The following DLG2 variants were observed in gnomAD, a reference collection of about 807,000 sequenced individuals.
The protein encoded by DLG2 is disks large homolog 2.
In DLG2, 45 loss-of-function variants were observed where a neutral mutation model predicts 132.5. That is an observed-to-expected ratio of 0.34 (90% CI 0.27 to 0.44). DLG2 has a LOEUF of 0.44. DLG2 is among the 20% of genes least tolerant of loss of function. The pLI is 1.00. For missense variants in DLG2, 1,045 were observed against 1,196.9 expected (o/e 0.87, Z 1.87); for synonymous variants, 424 against 419.6 (o/e 1.01, Z -0.13).
chr11:84,498,453 C>A (rs900576117), intron 7 of DLG2, among the ~76,000 whole-genome samples: 1 of 152,088 alleles, frequency 6.6e-6, no homozygotes, highest in Non-Finnish European at 1.5e-5. Context: ...CCACCACCAA[C>A]AACAAAATTC....
intron 18 of DLG2, among the ~76,000 whole-genome samples, chr11:83,762,249 G>A (rs1267085497): frequency 6.6e-6 from 1 of 152,202 alleles, no homozygotes; most frequent in South Asian, 2.1e-4. Flanking sequence ...ATCTGTCAGC[G>A]ATTGCTGACT....
At chr11:83,992,951 T>A (rs868178084) in intron 11 of DLG2, among the ~76,000 whole-genome samples, 2 of 152,118 alleles carry the variant, frequency 1.3e-5, no homozygotes, top group Non-Finnish European at 2.9e-5. Context: ...GAAGATATAA[T>A]TGCTTAGAGA....
chr11:83,706,259 TA>T (rs890354624), intron 18 of DLG2, among the ~76,000 whole-genome samples: 4 of 151,926 alleles, frequency 2.6e-5, no homozygotes, highest in African/African-American at 9.7e-5. Flanking sequence ...AATTTTTACT[TA>T]AAAATTTATT....
At chr11:85,070,994 G>A (rs986009364) in intron 6 of DLG2, among the ~76,000 whole-genome samples, 2 of 151,780 alleles carry the variant, frequency 1.3e-5, no homozygotes, top group African/African-American at 4.8e-5. Flanking sequence ...TCAAATCCAA[G>A]CACAACTGAT....
chr11:83,950,002 A>G (rs2084995899), intron 14 of DLG2, among the ~76,000 whole-genome samples: 2 of 152,168 alleles, frequency 1.3e-5, no homozygotes, highest in South Asian at 4.1e-4. Flanking sequence ...CTTATTTTCT[A>G]TATGGACTGT....
chr11:84,065,221 G>A (rs2096653228), intron 10 of DLG2, among the ~76,000 whole-genome samples: 1 of 152,088 alleles, frequency 6.6e-6, no homozygotes, highest in Non-Finnish European at 1.5e-5. Flanking sequence ...TGACAAATGG[G>A]ACCTAATCAA....
intron 16 of DLG2, among the ~76,000 whole-genome samples, chr11:83,848,435 C>T (rs2059059664): frequency 6.6e-6 from 1 of 152,192 alleles, no homozygotes; most frequent in Non-Finnish European, 1.5e-5. Context: ...TATTCAGTTG[C>T]TCCAGAATGA....
chr11:85,047,692 A>G (rs895620709), intron 6 of DLG2, among the ~76,000 whole-genome samples: 11 of 151,986 alleles, frequency 7.2e-5, no homozygotes, highest in Non-Finnish European at 1.5e-4. Flanking sequence ...AAATGAAAAT[A>G]TAAAATTATA....
intron 9 of DLG2, among the ~76,000 whole-genome samples, chr11:84,150,225 C>A (rs1249617444): frequency 6.6e-6 from 1 of 152,164 alleles, no homozygotes; most frequent in Non-Finnish European, 1.5e-5. Flanking sequence ...TGTGTCATCT[C>A]TGATTTCTTT....
At chr11:84,012,514 C>T (rs943794552) in intron 11 of DLG2, among the ~76,000 whole-genome samples, 3 of 152,146 alleles carry the variant, frequency 2.0e-5, no homozygotes, top group African/African-American at 7.2e-5. Context: ...CTACTGAAAT[C>T]TTTGGAATAT....
intron 6 of DLG2, among the ~76,000 whole-genome samples, chr11:85,110,067 C>A (rs1317805782): frequency 6.6e-6 from 1 of 151,944 alleles, no homozygotes; most frequent in African/African-American, 2.4e-5. Flanking sequence ...TATACTAGGA[C>A]CCCAAGGAGC....
chr11:84,212,070 G>A (rs921555956), intron 8 of DLG2, among the ~76,000 whole-genome samples: 4 of 152,172 alleles, frequency 2.6e-5, no homozygotes, highest in Admixed American at 2.0e-4. Context: ...CATGCATGCC[G>A]TTCTGTGTTT....
intron 3 of DLG2, among the ~76,000 whole-genome samples, chr11:85,547,466 C>A (rs1020871240): frequency 5.3e-5 from 8 of 152,092 alleles, no homozygotes; most frequent in Admixed American, 4.6e-4. Context: ...TGTGTCTTGG[C>A]GTTGTTCTTC....
intron 6 of DLG2, among the ~76,000 whole-genome samples, chr11:84,910,241 T>A (rs900791576): frequency 1.3e-5 from 2 of 152,118 alleles, no homozygotes; most frequent in African/African-American, 4.8e-5. Context: ...AAAACTATCT[T>A]CCAAATTGTT....
intron 9 of DLG2, among the ~76,000 whole-genome samples, chr11:84,150,542 G>C (rs1245441339): frequency 6.6e-6 from 1 of 152,150 alleles, no homozygotes; most frequent in Non-Finnish European, 1.5e-5. Flanking sequence ...AGTATACATA[G>C]TTTTCTATTC....
intron 11 of DLG2, among the ~76,000 whole-genome samples, chr11:84,001,202 C>G (rs937155291): frequency 2.0e-5 from 3 of 151,440 alleles, no homozygotes; most frequent in Non-Finnish European, 4.4e-5. Context: ...AAGAAACATA[C>G]TTTACCTATA....
chr11:84,420,116 T>C (rs2098943521), intron 7 of DLG2, among the ~76,000 whole-genome samples: 1 of 152,174 alleles, frequency 6.6e-6, no homozygotes. Flanking sequence ...AAAATCTTGT[T>C]CAACCAAAAG....
intron 7 of DLG2, among the ~76,000 whole-genome samples, chr11:84,530,912 G>C (rs532006765): frequency 6.6e-6 from 1 of 152,204 alleles, no homozygotes; most frequent in East Asian, 1.9e-4. Context: ...GGAAAATGTG[G>C]TACATATACA....
chr11:85,015,507 T>A (rs1473055618), intron 6 of DLG2, among the ~76,000 whole-genome samples: 1 of 151,784 alleles, frequency 6.6e-6, no homozygotes. Context: ...TAATCTTAAA[T>A]AAACTACCAG....
Sources: gnomAD v4.1 joint callset for allele counts (sites outside exome capture counted in the v4.1 genomes callset) on GRCh38, gnomAD v4.1.1 for gene constraint, MANE v1.5 for transcripts, NCBI Gene and HGNC (gene_info 2026-07-23, HGNC 2026-07-21) for gene names.